Variants in IL16 observed in about 807,000 individuals in gnomAD.
The protein encoded by IL16 is interleukin 16.
IL16 carries 67 observed loss-of-function variants against 110.1 expected under a neutral mutation model. That is an observed-to-expected ratio of 0.61 (90% CI 0.50 to 0.75). IL16 has a LOEUF of 0.75. IL16 is among the 30% of genes least tolerant of loss of function. IL16 has a pLI of 0.00. For synonymous variants in IL16, 689 were observed against 662.9 expected, an observed-to-expected ratio of 1.04 and a Z score of -0.61; for missense variants, 1,545 against 1,655.0, an observed-to-expected ratio of 0.93 and a Z score of 1.15.
intron 2 of IL16, among the ~76,000 whole-genome samples, chr15:81,232,042 G>GTTTTTTTGTTTTTTTTTT (rs1897008513): frequency 3.5e-5 from 2 of 57,704 alleles, no homozygotes; most frequent in African/African-American, 6.4e-5. Context: ...ATTTGTTCTT[G>GTTTTTTTGTTTTTTTTTT]TTTTTTTTTT....
intron 7 of IL16, 23 bp from the exon 8 acceptor site, chr15:81,279,535 G>C: frequency 1.3e-6 from 2 of 1,582,898 alleles, no homozygotes. Flanking sequence ...GCTGGGTGTT[G>C]TAGCCCTCTC....
chr15:81,183,026 TGTGTGTGTGCACACGTGTGA>T (rs1048418860), intron 1 of IL16: 73 of 474,170 alleles, frequency 1.5e-4, no homozygotes, highest in South Asian at 6.9e-4. Flanking sequence ...TATGAGTGAG[TGTGTGTGTGCACACGTGTGA>T]GTGTGTGTGC....
chr15:81,187,791 A>G (rs1327531441), intron 1 of IL16, among the ~76,000 whole-genome samples: 1 of 152,198 alleles, frequency 6.6e-6, no homozygotes, highest in Non-Finnish European at 1.5e-5. Flanking sequence ...AGTTGTGGTG[A>G]GCAGACCTCA....
chr15:81,186,585 C>T (rs1280566420), intron 1 of IL16, among the ~76,000 whole-genome samples: 2 of 152,334 alleles, frequency 1.3e-5, no homozygotes, highest in South Asian at 2.1e-4. Flanking sequence ...GATGCCTGTG[C>T]AGTAATTTAT....
intron 2 of IL16, among the ~76,000 whole-genome samples, chr15:81,231,374 CT>C (rs1896978362): frequency 2.0e-5 from 3 of 146,672 alleles, no homozygotes; most frequent in African/African-American, 7.7e-5. Flanking sequence ...CTCTCTCTCT[CT>C]CTCTCTCCCT....
chr15:81,221,585 C>T (rs1040593398), intron 1 of IL16, among the ~76,000 whole-genome samples: 5 of 152,182 alleles, frequency 3.3e-5, no homozygotes, highest in African/African-American at 1.2e-4. Flanking sequence ...TCTCTCCCTT[C>T]CTCCCTCTCG....
intron 2 of IL16, among the ~76,000 whole-genome samples, chr15:81,256,694 T>A (rs1340138908): frequency 1.3e-5 from 2 of 152,214 alleles, no homozygotes; most frequent in Non-Finnish European, 2.9e-5. Context: ...ACACATCATT[T>A]ACTTATTTAC....
intron 1 of IL16, 92 bp downstream of exon 1, chr15:81,197,244 T>C: frequency 1.2e-6 from 1 of 837,092 alleles, no homozygotes; most frequent in South Asian, 1.6e-5. Context: ...GGGAGGGTCT[T>C]GGTTGCTAGG....
At chr15:81,207,684 TG>T (rs1325785223) in intron 1 of IL16, among the ~76,000 whole-genome samples, 1 of 152,202 alleles carries the variant, frequency 6.6e-6, no homozygotes, top group East Asian at 1.9e-4. Context: ...CCATCCATGT[TG>T]CTGCAAAGGA....
intron 4 of IL16, among the ~76,000 whole-genome samples, chr15:81,266,021 A>G (rs1898369130): frequency 6.6e-6 from 1 of 152,254 alleles, no homozygotes; most frequent in Admixed American, 6.5e-5. Context: ...TGTGCCAGGC[A>G]CTTGCAACTG....
At chr15:81,251,339 A>T (rs946140342) in intron 2 of IL16, among the ~76,000 whole-genome samples, 4 of 152,018 alleles carry the variant, frequency 2.6e-5, no homozygotes, top group Non-Finnish European at 5.9e-5. Context: ...CAAAATTTTT[A>T]AAAACTTTGT....
rs1184771213 is a variant in IL16 at position 81,231,322 on chromosome 15, CTG to C, written c.312+5613_312+5614del. Reference sequence around the variant, plus strand: ...GAGGGGAGATCTACCCAAGGTCGGTCTGTCTCTCTCTCTCTCTCTCTCTCTCT... The same window carrying C: ...GAGGGGAGATCTACCCAAGGTCGGTCTCTCTCTCTCTCTCTCTCTCTCTCT... On this transcript the variant is annotated intron_variant, in intron 2 of 18. Transcript: ENST00000683961. Among the ~76,000 whole-genome samples the C allele has an allele frequency of 2.2e-4, 31 of 141,130 alleles. 1 individual carries two copies. Among genetic ancestry groups the C allele is most frequent in the African/African-American group, 8.2e-4 (29 of 35,468 alleles). 92.6% of individuals were successfully genotyped at this position (141,130 alleles called of 152,430 possible).
intron 12 of IL16, among the ~76,000 whole-genome samples, chr15:81,294,575 T>C (rs1303281049): frequency 6.6e-6 from 1 of 152,150 alleles, no homozygotes; most frequent in East Asian, 1.9e-4. Flanking sequence ...TCATGCCCTG[T>C]GTGCCTCAGC....
rs1374648680 is a variant in IL16 at position 81,308,738 on chromosome 15, G to A, written c.3939G>A (p.Thr1313=). The A allele has an allele frequency of 6.2e-6, 10 of 1,614,014 alleles. No individual in the cohort carries two copies. The highest frequency in any genetic ancestry group is 4.0e-5 in the African/African-American group (3 of 74,944). The change falls in exon 19 of 19, where the codon ACG becomes ACA. Residue 1313 remains threonine (T), a synonymous_variant. Transcript: ENST00000683961. ...IIKALPDGPV[T]IVIRRKSLQS... is the part of the protein sequence containing the mutation. Reference sequence around the variant, plus strand: ...AGGCACTGCCTGATGGACCTGTCACGATTGTCATCAGGAGAAAAAGCCTCC... The same window carrying A: ...AGGCACTGCCTGATGGACCTGTCACAATTGTCATCAGGAGAAAAAGCCTCC...
intron 5 of IL16, among the ~76,000 whole-genome samples, chr15:81,271,279 AAATAAAATAAAAT>A (rs1306084434): frequency 6.7e-6 from 1 of 150,046 alleles, no homozygotes; most frequent in East Asian, 1.9e-4. Context: ...AAAATAAATT[AAATAAAATAAAAT>A]AATAAAATAA....
chr15:81,194,332 A>T (rs1238454319), upstream of IL16, among the ~76,000 whole-genome samples: 1 of 152,196 alleles, frequency 6.6e-6, no homozygotes, highest in Admixed American at 6.5e-5. Context: ...TTAAGGACAC[A>T]CTTTCTTTTT....
chr15:81,247,480 C>T (rs927640388), intron 2 of IL16, among the ~76,000 whole-genome samples: 2 of 152,088 alleles, frequency 1.3e-5, no homozygotes, highest in African/African-American at 4.8e-5. Flanking sequence ...CCAGTTACCT[C>T]GAAGACAAAA....
rs776943909 is a variant in IL16 at position 81,303,677 on chromosome 15, C to A, written c.3420+27C>A. 17 of 1,451,004 alleles carry A rather than the reference C, an allele frequency of 1.2e-5. No individual in the cohort carries two copies. In the South Asian group the frequency reaches 1.8e-4, roughly 16 times the overall value. 89.9% of individuals were successfully genotyped at this position (1,451,004 alleles called of 1,614,324 possible). A position where few individuals can be genotyped will look rare whatever the true frequency, so the allele number is the denominator to read the frequency against. ...TGAGTGGCCAAGTGAAGGGGCATGT[C>A]ACAGCCAGAGGCAATGGTTCTGGGG... On this transcript the variant is annotated intron_variant, in intron 16 of 18. Coordinates refer to ENST00000683961, the MANE Select transcript of IL16 (RefSeq NM_172217.5). The surrounding 1 kb of genome is among the most constrained non-coding windows in gnomAD (Gnocchi z 4.1).
At chr15:81,249,137 C>A (rs1897677991) in intron 2 of IL16, among the ~76,000 whole-genome samples, 1 of 152,148 alleles carries the variant, frequency 6.6e-6, no homozygotes. Flanking sequence ...AACAGAAAAA[C>A]CATTGAATAT....
Sources: gnomAD v4.1 joint callset for allele counts (sites outside exome capture counted in the v4.1 genomes callset) on GRCh38, gnomAD v4.1.1 for gene constraint, Gnocchi (gnomAD v3.1) non-coding constraint, MANE v1.5 for transcripts, NCBI Gene and HGNC (gene_info 2026-07-23, HGNC 2026-07-21) for gene names.